Variants in CADM2 observed in about 807,000 individuals in gnomAD.
The protein encoded by CADM2 is cell adhesion molecule 2, also known as immunoglobulin superfamily member 4D.
CADM2 carries 12 observed loss-of-function variants against 49.8 expected under a neutral mutation model. The observed-to-expected ratio is 0.24, with a 90% confidence interval of 0.15 to 0.39. The LOEUF (loss-of-function observed/expected upper bound fraction) is 0.39, where lower values mean the gene tolerates loss of function less well. Ranked by LOEUF, CADM2 falls within the 10% of genes least tolerant of loss-of-function variation. The pLI is 1.00. For missense variants in CADM2, 378 were observed against 492.3 expected (o/e 0.77, Z 2.20); for synonymous variants, 214 against 175.4 (o/e 1.22, Z -1.74).
At chr3:85,658,576 G>GTATAGATA (rs2065283501) in intron 1 of CADM2, among the ~76,000 whole-genome samples, 1 of 68,754 alleles carries the variant, frequency 1.5e-5, no homozygotes, top group Non-Finnish European at 2.7e-5. Context: ...GGATATATGT[G>GTATAGATA]TATATATATA....
At chr3:85,892,373 A>G (rs986174105) in intron 5 of CADM2, among the ~76,000 whole-genome samples, 2 of 152,158 alleles carry the variant, frequency 1.3e-5, no homozygotes, top group Non-Finnish European at 2.9e-5. Context: ...AAATTATAAT[A>G]TGTTCATGAT....
chr3:85,613,809 G>A (rs1046454312), intron 1 of CADM2, among the ~76,000 whole-genome samples: 2 of 151,516 alleles, frequency 1.3e-5, no homozygotes, highest in Admixed American at 6.6e-5. Context: ...TAGTAACATA[G>A]TATTTAAGTG....
chr3:85,689,544 A>C (rs936911922), intron 1 of CADM2, among the ~76,000 whole-genome samples: 1 of 152,224 alleles, frequency 6.6e-6, no homozygotes, highest in African/African-American at 2.4e-5. Flanking sequence ...AGAAGAAGTT[A>C]TCCAGAATTA....
intron 1 of CADM2, among the ~76,000 whole-genome samples, chr3:85,420,159 C>G (rs1385834384): frequency 6.6e-6 from 1 of 152,124 alleles, no homozygotes; most frequent in African/African-American, 2.4e-5. Context: ...TAGAAGAAAG[C>G]AGTGAAGGGG....
At chr3:85,060,284 G>A (rs1044941514) in intron 1 of CADM2, among the ~76,000 whole-genome samples, 2 of 151,816 alleles carry the variant, frequency 1.3e-5, no homozygotes, top group African/African-American at 2.4e-5. Flanking sequence ...CCACCACCAC[G>A]CCTGGCTAAT....
chr3:85,831,615 C>T (rs1359173832), intron 3 of CADM2, among the ~76,000 whole-genome samples: 1 of 151,652 alleles, frequency 6.6e-6, no homozygotes, highest in African/African-American at 2.4e-5. Flanking sequence ...TATTTTTGGC[C>T]CCATGTATGT....
chr3:85,933,413 T>A (rs1720833235), intron 6 of CADM2, among the ~76,000 whole-genome samples: 1 of 152,096 alleles, frequency 6.6e-6, no homozygotes, highest in Non-Finnish European at 1.5e-5. Context: ...CAGGCTTCAT[T>A]TACTTCCTTC....
intron 1 of CADM2, among the ~76,000 whole-genome samples, chr3:84,999,924 A>G (rs2033370031): frequency 6.6e-6 from 1 of 152,122 alleles, no homozygotes; most frequent in Non-Finnish European, 1.5e-5. Flanking sequence ...TTAGAGTTGG[A>G]TGAGATCTTA....
intron 1 of CADM2, among the ~76,000 whole-genome samples, chr3:85,581,826 C>CAA (rs113694206): frequency 5.3e-5 from 7 of 133,148 alleles, no homozygotes; most frequent in South Asian, 4.7e-4. Context: ...ATTTATACTT[C>CAA]AAAAAAAAAA....
chr3:85,306,447 T>C (rs115081586), intron 1 of CADM2, among the ~76,000 whole-genome samples: 1,928 of 151,834 alleles, frequency 0.013, 45 homozygotes, highest in African/African-American at 0.044. Flanking sequence ...AGTATTAAGT[T>C]ACATAGCTCA....
At chr3:85,194,937 G>C (rs1171703690) in intron 1 of CADM2, among the ~76,000 whole-genome samples, 2 of 151,902 alleles carry the variant, frequency 1.3e-5, no homozygotes, top group Non-Finnish European at 2.9e-5. Context: ...TGAACTCCTG[G>C]GCTAAAGCAA....
chr3:85,918,570 G>A (rs561305532), intron 6 of CADM2, among the ~76,000 whole-genome samples: 1 of 152,082 alleles, frequency 6.6e-6, no homozygotes, highest in South Asian at 2.1e-4. Context: ...ATTTTATTGA[G>A]GATTTTTGCA....
intron 1 of CADM2, among the ~76,000 whole-genome samples, chr3:85,529,738 T>C (rs926306026): frequency 6.6e-6 from 1 of 152,016 alleles, no homozygotes; most frequent in African/African-American, 2.4e-5. Flanking sequence ...ATTTGGAACG[T>C]ATTTCCACTA....
intron 3 of CADM2, among the ~76,000 whole-genome samples, chr3:85,835,489 G>C (rs891633513): frequency 6.6e-6 from 1 of 150,800 alleles, no homozygotes; most frequent in Non-Finnish European, 1.5e-5. Context: ...CAGAACTACA[G>C]CTCTTAGTTT....
chr3:85,438,220 C>A (rs2037023916), intron 1 of CADM2, among the ~76,000 whole-genome samples: 1 of 151,850 alleles, frequency 6.6e-6, no homozygotes, highest in African/African-American at 2.4e-5. Context: ...ATGATCTTAA[C>A]AAAAAAATTT....
intron 8 of CADM2, chr3:85,993,784 A>C (rs1267389726): frequency 2.6e-5 from 4 of 151,270 alleles, no homozygotes; most frequent in Admixed American, 1.3e-4. Context: ...TCTTGAAAGG[A>C]ATCTTTTTTT....
chr3:86,020,924 G>C (rs557664859), intron 8 of CADM2, among the ~76,000 whole-genome samples: 1 of 152,056 alleles, frequency 6.6e-6, no homozygotes, highest in African/African-American at 2.4e-5. Flanking sequence ...TTGAAAACTG[G>C]CACAAGACAG....
chr3:85,634,663 T>A (rs2064407314), intron 1 of CADM2, among the ~76,000 whole-genome samples: 1 of 152,068 alleles, frequency 6.6e-6, no homozygotes. Context: ...TTTATGTCCT[T>A]GTGAATAATG....
chr3:85,735,649 G>A (rs1033618161), intron 2 of CADM2, among the ~76,000 whole-genome samples: 2 of 152,158 alleles, frequency 1.3e-5, no homozygotes, highest in African/African-American at 2.4e-5. Flanking sequence ...ATAATAGGAT[G>A]AGAATCATAG....
Sources: gnomAD v4.1 joint callset for allele counts (sites outside exome capture counted in the v4.1 genomes callset) on GRCh38, gnomAD v4.1.1 for gene constraint, MANE v1.5 for transcripts, NCBI Gene and HGNC (gene_info 2026-07-23, HGNC 2026-07-21) for gene names.